Variants in HUWE1 observed in about 807,000 individuals in gnomAD.
The protein encoded by HUWE1 is E3 ubiquitin-protein ligase HUWE1.
Under a neutral mutation model 299.4 loss-of-function variants are expected in HUWE1, and 18 were observed. The ratio of observed to expected loss-of-function variants is 0.06; its 90% CI spans 0.04 to 0.09. The LOEUF (loss-of-function observed/expected upper bound fraction) is 0.09, where lower values mean the gene tolerates loss of function less well. Among genes scored for constraint, HUWE1 ranks in the 10% least tolerant of loss-of-function variants. HUWE1 has a pLI of 1.00. For missense variants in HUWE1, 1,832 were observed against 3,462.3 expected, an observed-to-expected ratio of 0.53 and a Z score of 11.82; for synonymous variants, 1,317 against 1,286.1, an observed-to-expected ratio of 1.02 and a Z score of -0.51.
intron 7 of HUWE1, among the ~76,000 whole-genome samples, chrX:53,636,946 A>G (rs1317459911): frequency 8.9e-6 from 1 of 112,348 alleles, no homozygotes; most frequent in Non-Finnish European, 1.9e-5. Flanking sequence ...CTTTCATGGC[A>G]TTAGTCTCAT....
At chrX:53,629,003 T>A in intron 13 of HUWE1, 101 bp from the exon 14 acceptor site, 1 of 677,134 alleles carries the variant, frequency 1.5e-6, no homozygotes, top group Non-Finnish European at 2.3e-6. Context: ...TAAGTCATTC[T>A]ACTGGTAACT....
rs2063591975 is a variant in HUWE1 at position 53,581,101 on chromosome X, A to C, written c.5521-75T>G. 7 of 859,994 alleles carry C rather than the reference A, an allele frequency of 8.1e-6. No individual in the cohort carries two copies. The South Asian group carries it at 1.7e-4, about 20-fold the overall frequency. 70.9% of individuals were successfully genotyped at this position (859,994 alleles called of 1,213,427 possible). A position where few individuals can be genotyped will look rare whatever the true frequency, so the allele number is the denominator to read the frequency against. ...ATACAACTGCAGTCAAGAGTTACCA[A>C]GACTAAAAGCTTTTGATTTTGGGGA... On this transcript the variant is annotated intron_variant, in intron 42 of 83. Transcript: ENST00000262854.
intron 31 of HUWE1, 122 bp from the exon 32 acceptor site, chrX:53,593,723 A>G: frequency 1.9e-6 from 1 of 520,595 alleles, no homozygotes; most frequent in Non-Finnish European, 3.4e-6. Context: ...TAGAGCTATT[A>G]CGTCTAATCT....
At chrX:53,533,637 C>A in intron 83 of HUWE1, 1 of 450,108 alleles carries the variant, frequency 2.2e-6, no homozygotes, top group East Asian at 3.7e-5. Flanking sequence ...TCCTTAAACA[C>A]CCTGGCCTCA....
Position 53,575,563 on chromosome X carries a change from CG to C in HUWE1, c.6030+79del. The C allele has an allele frequency of 1.1e-5, 11 of 1,007,638 alleles. No individual in the cohort carries two copies. In the South Asian group the frequency reaches 2.2e-4, roughly 20 times the overall value. 83.0% of individuals were successfully genotyped at this position (1,007,638 alleles called of 1,213,427 possible). ...CACAATTAATATCTTTGAAATTCCCCGGGGATAGCCCTAAATACTGAGACCA... is the reference window on the plus strand; with the variant it reads ...CACAATTAATATCTTTGAAATTCCCCGGGATAGCCCTAAATACTGAGACCA... On this transcript the variant is annotated intron_variant, in intron 45 of 83. Transcript: ENST00000262854.
chrX:53,670,505 T>C (rs782497436), intron 3 of HUWE1, among the ~76,000 whole-genome samples: 5 of 111,813 alleles, frequency 4.5e-5, no homozygotes, highest in African/African-American at 6.5e-5. Context: ...AGCTTTTCTG[T>C]TGGACATGAA....
chrX:53,591,754 C>T (rs371238913), intron 33 of HUWE1, among the ~76,000 whole-genome samples: 24 of 112,301 alleles, frequency 2.1e-4, no homozygotes, highest in South Asian at 1.8e-3. Flanking sequence ...GATAAAATTA[C>T]GAATGCCTTT....
chrX:53,629,118 C>A (rs1395416260), intron 13 of HUWE1, among the ~76,000 whole-genome samples: 1 of 110,626 alleles, frequency 9.0e-6, no homozygotes. Flanking sequence ...TCTTTCTAAC[C>A]CTCTGGGAAA....
intron 6 of HUWE1, among the ~76,000 whole-genome samples, chrX:53,645,912 A>T (rs1043831825): frequency 9.2e-6 from 1 of 108,359 alleles, no homozygotes; most frequent in African/African-American, 3.4e-5. Context: ...GAAGGAAAAG[A>T]GACAAATACA....
intron 7 of HUWE1, among the ~76,000 whole-genome samples, chrX:53,640,767 GAAC>G (rs1462256076): frequency 8.9e-6 from 1 of 112,063 alleles, no homozygotes; most frequent in African/African-American, 3.2e-5. Flanking sequence ...TCCAAAGGAA[GAAC>G]AACAACTGGA....
intron 41 of HUWE1, 44 bp from the exon 42 acceptor site, chrX:53,583,960 GT>G (rs1208918707): frequency 9.5e-7 from 1 of 1,048,508 alleles, no homozygotes; most frequent in Non-Finnish European, 1.3e-6. Context: ...TTAACTTGAT[GT>G]TTATTTCCTC....
At chrX:53,654,854 C>T (rs782276894) in intron 3 of HUWE1, among the ~76,000 whole-genome samples, 30 of 112,043 alleles carry the variant, frequency 2.7e-4, no homozygotes, top group Non-Finnish European at 4.9e-4. Flanking sequence ...ACTGTTTTAC[C>T]TATGCACCTT....
chrX:53,554,992 C>A, intron 60 of HUWE1, 72 bp from the exon 61 acceptor site: 1 of 825,161 alleles, frequency 1.2e-6, no homozygotes, highest in Non-Finnish European at 1.7e-6. Context: ...CCCCAATCAG[C>A]AAATGTGGCC....
At chrX:53,538,504 G>A in intron 76 of HUWE1, 50 bp from the exon 77 acceptor site, 3 of 881,285 alleles carry the variant, frequency 3.4e-6, no homozygotes, top group Non-Finnish European at 5.0e-6. Flanking sequence ...TGCCCCAGAA[G>A]CTGTAAGACA....
chrX:53,624,687 G>C lies in HUWE1; in HGVS notation c.1592-12C>G. On this transcript the variant is annotated splice_polypyrimidine_tract_variant and intron_variant, in intron 18 of 83. Coordinates refer to ENST00000262854, the MANE Select transcript of HUWE1 (RefSeq NM_031407.7). ...AGAACCATCCATCACTAAAAGAAAA[G>C]TGAACATTATGGAGAATACGAATAG... 1 of 1,142,840 alleles carries C rather than the reference G, an allele frequency of 8.8e-7. No individual in the cohort carries two copies. 94.2% of individuals were successfully genotyped at this position (1,142,840 alleles called of 1,213,427 possible).
At chrX:53,569,907 C>G (rs1299094962) in intron 47 of HUWE1, 80 bp from the exon 48 acceptor site, 1 of 831,106 alleles carries the variant, frequency 1.2e-6, no homozygotes, top group East Asian at 3.2e-5. Flanking sequence ...GATACACACA[C>G]ACATAGTATT....
At chrX:53,645,735 AAATATATATAT>A (rs1266892792) in intron 6 of HUWE1, among the ~76,000 whole-genome samples, 1,817 of 25,836 alleles carry the variant, frequency 0.07, 18 homozygotes, top group Middle Eastern at 0.15. Context: ...AAAAAAAAAA[AAATATATATAT>A]ATATATATAT....
intron 2 of HUWE1, among the ~76,000 whole-genome samples, chrX:53,682,943 T>C (rs1436737254): frequency 4.5e-5 from 5 of 111,968 alleles, no homozygotes; most frequent in Non-Finnish European, 7.5e-5. Flanking sequence ...GACCCGTTCA[T>C]AGTTTCGCTT....
intron 35 of HUWE1, 21 bp downstream of exon 35, chrX:53,590,383 G>C (rs1178304984): frequency 9.8e-7 from 1 of 1,020,149 alleles, no homozygotes; most frequent in Non-Finnish European, 1.4e-6. Context: ...AGCCCTTTAG[G>C]ATGCAGTGTT....
Sources: allele counts gnomAD v4.1 joint callset (sites outside exome capture counted in the v4.1 genomes callset), GRCh38; gene constraint gnomAD v4.1.1; transcripts MANE v1.5; gene names NCBI Gene and HGNC (gene_info 2026-07-23, HGNC 2026-07-21).